NRG3: variants seen among roughly 807,000 people sequenced by gnomAD.
NRG3 encodes the protein neuregulin 3, also known as pro-neuregulin-3, membrane-bound isoform.
NRG3 carries 31 observed loss-of-function variants against 66.9 expected under a neutral mutation model. The ratio of observed to expected loss-of-function variants is 0.46; its 90% CI spans 0.35 to 0.63. The LOEUF (loss-of-function observed/expected upper bound fraction) is 0.63. Ranked by LOEUF, NRG3 falls within the 20% of genes least tolerant of loss-of-function variation. NRG3 has a pLI of 0.00. For missense variants in NRG3, 910 were observed against 878.9 expected, an observed-to-expected ratio of 1.04 and a Z score of -0.45; for synonymous variants, 393 against 359.4, an observed-to-expected ratio of 1.09 and a Z score of -1.06.
chr10:82,244,693 C>T (rs896613862), intron 1 of NRG3, among the ~76,000 whole-genome samples: 12 of 151,648 alleles, frequency 7.9e-5, no homozygotes, highest in African/African-American at 2.2e-4. Context: ...GTACTGAGAG[C>T]GGGGGATGGT....
At chr10:81,937,615 G>C (rs974543498) in intron 1 of NRG3, among the ~76,000 whole-genome samples, 6 of 151,944 alleles carry the variant, frequency 3.9e-5, no homozygotes, top group African/African-American at 1.4e-4. Flanking sequence ...TGTTGTTGTT[G>C]AGTTGTAGGA....
Position 82,482,617 on chromosome 10 carries a change from C to T in NRG3, c.953+123749C>T, listed in dbSNP as rs1362927974. Among the ~76,000 whole-genome samples the T allele has an allele frequency of 5.9e-5, 9 of 152,108 alleles. 1 individual carries two copies. In the South Asian group the frequency reaches 1.2e-3, roughly 21 times the overall value. ...GGGACCACGGAGCTTGGTAGAAATACGCATTTCTAGGTTTCACCCAGACCC... is the reference window on the plus strand; with the variant it reads ...GGGACCACGGAGCTTGGTAGAAATATGCATTTCTAGGTTTCACCCAGACCC... On this transcript the variant is annotated intron_variant, in intron 2 of 8. Coordinates refer to ENST00000372141, the MANE Select transcript of NRG3 (RefSeq NM_001010848.4).
At chr10:82,585,319 T>C (rs2046607910) in intron 2 of NRG3, among the ~76,000 whole-genome samples, 1 of 152,190 alleles carries the variant, frequency 6.6e-6, no homozygotes, top group Non-Finnish European at 1.5e-5. Flanking sequence ...ACTGAGGTCA[T>C]ACAATTTTTA....
At chr10:82,186,478 C>T (rs2073815999) in intron 1 of NRG3, among the ~76,000 whole-genome samples, 1 of 152,180 alleles carries the variant, frequency 6.6e-6, no homozygotes, top group South Asian at 2.1e-4. Flanking sequence ...GGTCCACTTC[C>T]ACTAATGCCT....
chr10:81,933,121 AAAAAG>A (rs1220305105), intron 1 of NRG3, among the ~76,000 whole-genome samples: 2 of 151,730 alleles, frequency 1.3e-5, no homozygotes, highest in African/African-American at 2.4e-5. Flanking sequence ...AAAAAAAAAA[AAAAAG>A]AAAAGAAAAA....
chr10:82,552,980 C>A (rs2044417139), intron 2 of NRG3, among the ~76,000 whole-genome samples: 1 of 151,868 alleles, frequency 6.6e-6, no homozygotes, highest in Non-Finnish European at 1.5e-5. Flanking sequence ...CAGGCCCAGT[C>A]CCGGTGGCAA....
intron 2 of NRG3, among the ~76,000 whole-genome samples, chr10:82,586,713 A>G (rs1372914103): frequency 6.6e-6 from 1 of 152,172 alleles, no homozygotes; most frequent in African/African-American, 2.4e-5. Context: ...TCTTGTGTTT[A>G]GTTGCTTTTG....
chr10:82,085,717 A>T (rs747948968), intron 1 of NRG3, among the ~76,000 whole-genome samples: 1 of 151,830 alleles, frequency 6.6e-6, no homozygotes, highest in African/African-American at 2.4e-5. Flanking sequence ...GCTCACTGCA[A>T]CCTTCGCCTT....
chr10:82,908,068 A>G (rs1844927949), intron 4 of NRG3, among the ~76,000 whole-genome samples: 3 of 152,196 alleles, frequency 2.0e-5, no homozygotes, highest in Admixed American at 2.0e-4. Flanking sequence ...TAGCTTCTCA[A>G]TAGCCATTAC....
At chr10:82,383,684 T>G (rs1308982464) in intron 2 of NRG3, among the ~76,000 whole-genome samples, 1 of 152,034 alleles carries the variant, frequency 6.6e-6, no homozygotes, top group Admixed American at 6.6e-5. Context: ...TATTTAAATT[T>G]TTATCTCAAA....
At chr10:82,201,314 T>C (rs2074809579) in intron 1 of NRG3, among the ~76,000 whole-genome samples, 2 of 151,912 alleles carry the variant, frequency 1.3e-5, no homozygotes, top group South Asian at 4.2e-4. Flanking sequence ...ACAAACAGGA[T>C]TTTGATAGCA....
chr10:82,105,713 T>G (rs2067018497), intron 1 of NRG3, among the ~76,000 whole-genome samples: 1 of 152,152 alleles, frequency 6.6e-6, no homozygotes, highest in South Asian at 2.1e-4. Context: ...ATCTTACAAT[T>G]TGAGATATTA....
intron 1 of NRG3, among the ~76,000 whole-genome samples, chr10:81,956,741 C>T (rs1161713064): frequency 2.6e-5 from 4 of 152,088 alleles, no homozygotes; most frequent in Admixed American, 2.6e-4. Context: ...TCTTTAGAAA[C>T]GTTCACAAGA....
intron 1 of NRG3, among the ~76,000 whole-genome samples, chr10:82,188,532 A>G (rs1388387478): frequency 6.6e-6 from 1 of 152,170 alleles, no homozygotes; most frequent in Non-Finnish European, 1.5e-5. Flanking sequence ...AACGGGAGAA[A>G]ATAGTTGCAA....
chr10:82,450,854 A>G (rs977685121), intron 2 of NRG3, among the ~76,000 whole-genome samples: 2 of 152,208 alleles, frequency 1.3e-5, no homozygotes, highest in Non-Finnish European at 2.9e-5. Flanking sequence ...CCCTGCCACA[A>G]CTGAAGGCTT....
intron 1 of NRG3, among the ~76,000 whole-genome samples, chr10:82,087,559 G>T (rs1385301513): frequency 6.6e-6 from 1 of 152,012 alleles, no homozygotes; most frequent in Non-Finnish European, 1.5e-5. Flanking sequence ...TGTTTAATTT[G>T]TTGCCCCACT....
At chr10:82,157,273 A>G (rs2071265352) in intron 1 of NRG3, among the ~76,000 whole-genome samples, 1 of 151,792 alleles carries the variant, frequency 6.6e-6, no homozygotes, top group Admixed American at 6.6e-5. Context: ...TCTTGTGCTT[A>G]AAGAAAGTAT....
chr10:82,019,028 A>G (rs183234128), intron 1 of NRG3, among the ~76,000 whole-genome samples: 4 of 152,278 alleles, frequency 2.6e-5, no homozygotes, highest in African/African-American at 9.6e-5. Flanking sequence ...TTCAAAGGGA[A>G]TGCTTCCAGT....
intron 1 of NRG3, among the ~76,000 whole-genome samples, chr10:82,283,563 T>G (rs1180397542): frequency 6.6e-6 from 1 of 152,174 alleles, no homozygotes; most frequent in African/African-American, 2.4e-5. Flanking sequence ...TCCTATAGTA[T>G]CCAACATTCT....
Sources: gnomAD v4.1 joint callset for allele counts (sites outside exome capture counted in the v4.1 genomes callset) on GRCh38, gnomAD v4.1.1 for gene constraint, MANE v1.5 for transcripts, NCBI Gene and HGNC (gene_info 2026-07-23, HGNC 2026-07-21) for gene names.